The following TUSC3 variants were observed in gnomAD, a reference collection of about 807,000 sequenced individuals.
The protein encoded by TUSC3 is tumor suppressor candidate 3, also known as dolichyl-diphosphooligosaccharide--protein glycosyltransferase subunit TUSC3.
In TUSC3, 45 loss-of-function variants were observed where a neutral mutation model predicts 44.8. That is an observed-to-expected ratio of 1.00 (90% CI 0.79 to 1.29). TUSC3 has a LOEUF of 1.29. Ranked by LOEUF, TUSC3 falls within the 50% of genes most tolerant of loss-of-function variation. The probability of loss-of-function intolerance (pLI) is 0.00; values close to 1 mark genes in which losing one functional copy is unlikely to be tolerated. For missense variants in TUSC3, 519 were observed against 437.9 expected (o/e 1.19, Z -1.65); for synonymous variants, 212 against 152.9 (o/e 1.39, Z -2.85).
At chr8:15,618,014 T>C (rs1031800690) in intron 1 of TUSC3, among the ~76,000 whole-genome samples, 1 of 152,172 alleles carries the variant, frequency 6.6e-6, no homozygotes, top group African/African-American at 2.4e-5. Context: ...AAGAAGTATT[T>C]ATGTATCTAA....
At chr8:15,566,712 C>T (rs116514564) in intron 1 of TUSC3, among the ~76,000 whole-genome samples, 1,562 of 152,020 alleles carry the variant, frequency 0.01, 22 homozygotes, top group African/African-American at 0.035. Context: ...CACAACCAAC[C>T]TCCTAGGCTC....
intron 8 of TUSC3, among the ~76,000 whole-genome samples, chr8:15,744,478 T>C (rs1811321725): frequency 6.6e-6 from 1 of 152,116 alleles, no homozygotes; most frequent in Non-Finnish European, 1.5e-5. Context: ...CCAAAATTTA[T>C]GTATGAGCAG....
chr8:15,652,400 TCTTCA>T lies in TUSC3; in HGVS notation c.426+1590_426+1594del, dbSNP rs1585195403. ...TTCAACATTCTTTTTCTGTTAGTGT[TCTTCA>T]CTTATTTCCTCCAAATTTATTTTGC... On this transcript the variant is annotated intron_variant, in intron 3 of 10. Transcript: ENST00000503731. Among the ~76,000 whole-genome samples, 3 of 152,346 alleles carry T rather than the reference TCTTCA, an allele frequency of 2.0e-5. No individual in the cohort carries two copies. In the East Asian group the frequency reaches 5.8e-4, roughly 29 times the overall value.
At chr8:15,850,035 C>T in the TUSC3 span, among the ~76,000 whole-genome samples, 4 of 152,010 alleles carry the variant, frequency 2.6e-5, no homozygotes, top group African/African-American at 9.7e-5. Flanking sequence ...CTCGGGGGCC[C>T]CTATTTCTAC....
intron 1 of TUSC3, among the ~76,000 whole-genome samples, chr8:15,455,311 C>T (rs1563255208): frequency 6.6e-6 from 1 of 152,070 alleles, no homozygotes; most frequent in Admixed American, 6.6e-5. Context: ...AAAGCCCTAA[C>T]ATGTAGATTG....
At chr8:15,538,894 G>C (rs997268317), upstream of TUSC3, among the ~76,000 whole-genome samples, 1 of 151,696 alleles carries the variant, frequency 6.6e-6, no homozygotes, top group African/African-American at 2.4e-5. Flanking sequence ...CTGTCTCCCA[G>C]GCTGGAGTGC....
intron 1 of TUSC3, among the ~76,000 whole-genome samples, chr8:15,604,657 C>T (rs1056399765): frequency 2.6e-5 from 4 of 151,650 alleles, no homozygotes; most frequent in African/African-American, 9.7e-5. Flanking sequence ...CTAGTTAATG[C>T]CAAGTGTTTC....
chr8:15,564,323 G>T (rs534434896), intron 1 of TUSC3, among the ~76,000 whole-genome samples: 19 of 152,156 alleles, frequency 1.2e-4, no homozygotes, highest in Middle Eastern at 3.4e-3. Flanking sequence ...ATAAAAAAGT[G>T]ATTTCTTGTC....
chr8:15,586,265 A>C (rs1005338907), intron 1 of TUSC3, among the ~76,000 whole-genome samples: 1 of 152,204 alleles, frequency 6.6e-6, no homozygotes, highest in African/African-American at 2.4e-5. Flanking sequence ...GAAAACAAAC[A>C]GCTTACCTTT....
intron 6 of TUSC3, among the ~76,000 whole-genome samples, chr8:15,677,050 G>T (rs1211915199): frequency 3.3e-5 from 5 of 151,732 alleles, no homozygotes; most frequent in Non-Finnish European, 7.4e-5. Flanking sequence ...ATAGAGTTAG[G>T]GTCTCACTCT....
At chr8:15,769,056 A>C (rs1207004148), downstream of TUSC3, among the ~76,000 whole-genome samples, 1 of 152,202 alleles carries the variant, frequency 6.6e-6, no homozygotes, top group Non-Finnish European at 1.5e-5. Context: ...CTTTCTTTAT[A>C]GAATTAGAAA....
intron 1 of TUSC3, among the ~76,000 whole-genome samples, chr8:15,460,244 T>G (rs114556165): frequency 0.067 from 10,177 of 152,144 alleles, 358 homozygotes; most frequent in South Asian, 0.1. Context: ...GTGGAGTAAG[T>G]TGGTATCGCA....
At chr8:15,613,325 A>T (rs186887219) in intron 1 of TUSC3, among the ~76,000 whole-genome samples, 2,078 of 152,110 alleles carry the variant, frequency 0.014, 27 homozygotes, top group Non-Finnish European at 0.024. Context: ...AATGAGATTT[A>T]AAAAATTCCC....
the TUSC3 span, among the ~76,000 whole-genome samples, chr8:15,820,511 G>T: frequency 1.3e-5 from 2 of 151,810 alleles, no homozygotes; most frequent in African/African-American, 4.8e-5. Flanking sequence ...GTAGAGATGG[G>T]GTTTCACCAT....
At chr8:15,589,044 G>T (rs556897108) in intron 1 of TUSC3, among the ~76,000 whole-genome samples, 1 of 151,990 alleles carries the variant, frequency 6.6e-6, no homozygotes, top group Admixed American at 6.6e-5. Context: ...TCGGAGTGCA[G>T]TTTATCATTA....
intron 2 of TUSC3, among the ~76,000 whole-genome samples, chr8:15,646,607 T>C (rs1415983443): frequency 2.0e-5 from 3 of 152,082 alleles, no homozygotes; most frequent in Non-Finnish European, 2.9e-5. Context: ...TAGATTATAG[T>C]ACTGTTCATA....
At chr8:15,469,505 C>G (rs1800456705) in intron 1 of TUSC3, among the ~76,000 whole-genome samples, 1 of 152,152 alleles carries the variant, frequency 6.6e-6, no homozygotes, top group Non-Finnish European at 1.5e-5. Context: ...ACACTAAATG[C>G]TGGAGAGTAT....
chr8:15,849,053 T>A, the TUSC3 span, among the ~76,000 whole-genome samples: 1 of 152,200 alleles, frequency 6.6e-6, no homozygotes. Context: ...AAATTCTTTT[T>A]CATTCATTAG....
intron 1 of TUSC3, among the ~76,000 whole-genome samples, chr8:15,447,215 C>G (rs1393933716): frequency 6.6e-6 from 1 of 151,986 alleles, no homozygotes; most frequent in Non-Finnish European, 1.5e-5. Flanking sequence ...ATCCCAGAAA[C>G]AACTACTATC....
Sources: gnomAD v4.1 joint callset for allele counts (sites outside exome capture counted in the v4.1 genomes callset) on GRCh38, gnomAD v4.1.1 for gene constraint, MANE v1.5 for transcripts, NCBI Gene and HGNC (gene_info 2026-07-23, HGNC 2026-07-21) for gene names.